FAM3B: variants seen among roughly 807,000 people sequenced by gnomAD.
The protein encoded by FAM3B is protein FAM3B.
Under a neutral mutation model 28.4 loss-of-function variants are expected in FAM3B, and 29 were observed. That is an observed-to-expected ratio of 1.02 (90% confidence interval 0.76 to 1.39). FAM3B has a LOEUF of 1.39. FAM3B is among the 40% of genes most tolerant of loss of function. The pLI is 0.00. For missense variants in FAM3B, 266 were observed against 293.9 expected, an observed-to-expected ratio of 0.91 and a Z score of 0.69; for synonymous variants, 91 against 103.0, an observed-to-expected ratio of 0.88 and a Z score of 0.71.
At chr21:41,328,797 G>A (rs570394530) in intron 2 of FAM3B, among the ~76,000 whole-genome samples, 9 of 152,300 alleles carry the variant, frequency 5.9e-5, no homozygotes, top group African/African-American at 2.2e-4. Context: ...CTGAAGGAGG[G>A]GAGCCAGCCT....
rs1382891495 is a variant in FAM3B, at chr21:41,338,481, A to C, written c.267A>C (p.Lys89Asn). Reference sequence around the variant, plus strand: ...GAGGTGGCAGAAGCAAGTACGCCAAAATCTGCTTTGAGGATAACCTGTAAG... The same window carrying C: ...GAGGTGGCAGAAGCAAGTACGCCAACATCTGCTTTGAGGATAACCTGTAAG... ...LSGGGRSKYA[K>N]ICFEDNLLMG... Residue 89 changes from lysine to asparagine, a missense_variant, in exon 3 of 8, where the codon AAA becomes AAC. By Grantham distance (94) the Lys-to-Asn change is moderately conservative (BLOSUM62 0). Transcript: ENST00000357985. The C allele has an allele frequency of 6.2e-7, 1 of 1,614,156 alleles. No homozygotes were observed. Among genetic ancestry groups the C allele is most frequent in the Non-Finnish European group, 8.5e-7 (1 of 1,180,012 alleles).
chr21:41,334,972 A>C (rs966859399), intron 2 of FAM3B, among the ~76,000 whole-genome samples: 3 of 152,166 alleles, frequency 2.0e-5, no homozygotes, highest in Middle Eastern at 3.2e-3. Flanking sequence ...ATTGTTTTGG[A>C]GCTTTTAAGA....
intron 3 of FAM3B, among the ~76,000 whole-genome samples, chr21:41,343,110 T>C (rs2089022854): frequency 6.6e-6 from 1 of 152,228 alleles, no homozygotes; most frequent in Non-Finnish European, 1.5e-5. Flanking sequence ...TTCAACCCTT[T>C]GTGACCCCAG....
intron 2 of FAM3B, among the ~76,000 whole-genome samples, chr21:41,324,281 T>G (rs555613719): frequency 6.6e-6 from 1 of 152,166 alleles, no homozygotes; most frequent in Admixed American, 6.5e-5. Flanking sequence ...AGATCTCCCA[T>G]AAAACTCCAT....
chr21:41,311,236 C>CA (rs71848321), intron 1 of FAM3B, among the ~76,000 whole-genome samples: 466 of 23,480 alleles, frequency 0.02, 40 homozygotes, highest in East Asian at 0.027. Context: ...CCTGTCTCTA[C>CA]AAAAAAAAAA....
At chr21:41,340,073 A>G (rs1424607283) in intron 3 of FAM3B, among the ~76,000 whole-genome samples, 1 of 151,766 alleles carries the variant, frequency 6.6e-6, no homozygotes, top group Non-Finnish European at 1.5e-5. Context: ...TGAAGTTCTC[A>G]TGTTCAAGGT....
At chr21:41,344,557 T>C in intron 4 of FAM3B, 23 bp downstream of exon 4, 1 of 1,600,274 alleles carries the variant, frequency 6.2e-7, no homozygotes, top group Non-Finnish European at 8.6e-7. Flanking sequence ...ACATTTTCTT[T>C]AAACTTCTCT....
At chr21:41,312,765 T>C (rs1474612954), upstream of FAM3B, among the ~76,000 whole-genome samples, 1 of 129,812 alleles carries the variant, frequency 7.7e-6, no homozygotes, top group Non-Finnish European at 1.7e-5. Context: ...GATGTCTGCA[T>C]CTAACTGTGC....
intron 2 of FAM3B, among the ~76,000 whole-genome samples, chr21:41,329,895 G>T (rs1474722302): frequency 6.6e-6 from 1 of 152,054 alleles, no homozygotes; most frequent in Non-Finnish European, 1.5e-5. Flanking sequence ...TAAGTGAAAA[G>T]GTGAAAGCTC....
At chr21:41,316,780 C>T (rs1412412733), upstream of FAM3B, 7 of 1,237,738 alleles carry the variant, frequency 5.7e-6, no homozygotes, top group Non-Finnish European at 6.3e-6. Context: ...CTGCCCGACA[C>T]GACCGCTGCC....
At chr21:41,317,683 T>C (rs1454330122) in intron 1 of FAM3B, among the ~76,000 whole-genome samples, 1 of 152,124 alleles carries the variant, frequency 6.6e-6, no homozygotes, top group Non-Finnish European at 1.5e-5. Flanking sequence ...GGAAGTTCTC[T>C]GGGCCTCTTC....
chr21:41,345,990 G>A, intron 5 of FAM3B: 16 of 272,584 alleles, frequency 5.9e-5, no homozygotes, highest in South Asian at 1.3e-4. Context: ...TAGCTCTCAT[G>A]ATATAATAAG....
chr21:41,313,461 A>G (rs1046821726), upstream of FAM3B, among the ~76,000 whole-genome samples: 1 of 151,460 alleles, frequency 6.6e-6, no homozygotes, highest in Non-Finnish European at 1.5e-5. Context: ...ATCATACAGT[A>G]TGTATGCATG....
rs552054174 is a variant in FAM3B at position 41,352,064 on chromosome 21, A to G, written c.618+3340A>G. On this transcript the variant is annotated intron_variant, in intron 7 of 7. Transcript: ENST00000357985. ...AGGAGCCATCATTCTCATCGCCTCC[A>G]GCATGGTCTGAGTCTTGTCTCTGGT... 4.6e-5 allele frequency among the ~76,000 whole-genome samples: 7 copies of G among 152,192 alleles called. No individual in the cohort carries two copies. The South Asian group carries it at 1.4e-3, about 31-fold the overall frequency.
chr21:41,310,178 C>T (rs1601343522), intron 1 of FAM3B, among the ~76,000 whole-genome samples: 1 of 152,246 alleles, frequency 6.6e-6, no homozygotes, highest in Admixed American at 6.5e-5. Context: ...TGCGGTCTCT[C>T]CACTGTCCTG....
chr21:41,318,888 A>G (rs1297809623), intron 1 of FAM3B, among the ~76,000 whole-genome samples: 1 of 152,060 alleles, frequency 6.6e-6, no homozygotes, highest in Non-Finnish European at 1.5e-5. Context: ...TCTTTCTGGC[A>G]CCTTTTAAAT....
intron 1 of FAM3B, chr21:41,320,761 A>G (rs1204707815): frequency 6.6e-6 from 1 of 152,174 alleles, no homozygotes; most frequent in Non-Finnish European, 1.5e-5. Context: ...CACCCAAAGC[A>G]CAGATACTCT....
intron 1 of FAM3B, among the ~76,000 whole-genome samples, chr21:41,307,858 T>C (rs1386292298): frequency 6.6e-6 from 1 of 152,070 alleles, no homozygotes; most frequent in Non-Finnish European, 1.5e-5. Context: ...ATGATAATGC[T>C]GAAAAAGTTT....
At position 41,348,647 on chromosome 21, in the gene FAM3B, A is replaced by G. The variant is rs754806476; in HGVS notation, c.541A>G (p.Asn181Asp). ...IEALGSKEIR[N>D]MKFRSSWVFI... ...AGCACTTGGAAGTAAAGAAATCAGG[A>G]ACATGAAATTCAGGTCTAGCTGGGT... Residue 181 changes from asparagine to aspartate, a missense_variant, in exon 7 of 8, where the codon AAC becomes GAC. Physicochemically the swap from Asn to Asp is conservative, Grantham distance 23 (BLOSUM62 1). Coordinates refer to ENST00000357985, the MANE Select transcript of FAM3B (RefSeq NM_058186.4). The G allele has an allele frequency of 7.4e-6, 12 of 1,614,134 alleles. No individual in the cohort carries two copies. In the South Asian group the frequency reaches 8.8e-5, roughly 12 times the overall value.
Sources: allele counts gnomAD v4.1 joint callset (sites outside exome capture counted in the v4.1 genomes callset), GRCh38; gene constraint gnomAD v4.1.1; transcripts MANE v1.5; gene names NCBI Gene and HGNC (gene_info 2026-07-23, HGNC 2026-07-21).